Variants in NUP214 observed in about 807,000 individuals in gnomAD.
The protein encoded by NUP214 is nuclear pore complex protein Nup214.
In NUP214, 79 loss-of-function variants were observed where a neutral mutation model predicts 196.2. The ratio of observed to expected loss-of-function variants is 0.40; its 90% CI spans 0.34 to 0.49. NUP214 has a LOEUF of 0.49. NUP214 is among the 20% of genes least tolerant of loss of function. NUP214 has a pLI of 0.58. For missense variants in NUP214, 2,468 were observed against 2,539.0 expected, an observed-to-expected ratio of 0.97 and a Z score of 0.60; for synonymous variants, 1,020 against 990.5, an observed-to-expected ratio of 1.03 and a Z score of -0.56.
At chr9:131,206,912 A>G (rs1416310066) in intron 30 of NUP214, among the ~76,000 whole-genome samples, 2 of 152,222 alleles carry the variant, frequency 1.3e-5, no homozygotes, top group African/African-American at 4.8e-5. Flanking sequence ...TATGTATGCA[A>G]TTGGAAGGGC....
chr9:131,141,862 A>G (rs1479218591), intron 11 of NUP214: 1 of 152,224 alleles, frequency 6.6e-6, no homozygotes, highest in Non-Finnish European at 1.5e-5. Flanking sequence ...CTGTGAGTAT[A>G]TAACTGATAC....
intron 21 of NUP214, chr9:131,165,223 A>G (rs1363853203): frequency 6.6e-6 from 1 of 152,216 alleles, no homozygotes; most frequent in Non-Finnish European, 1.5e-5. Context: ...CTGCAGCTGC[A>G]GTGAGCTATG....
At chr9:131,153,983 A>C (rs539210520) in intron 17 of NUP214, among the ~76,000 whole-genome samples, 1 of 152,324 alleles carries the variant, frequency 6.6e-6, no homozygotes, top group South Asian at 2.1e-4. Flanking sequence ...GATAGGCTTT[A>C]AAAGAAGAAT....
At chr9:131,217,220 A>G (rs757828900) in intron 31 of NUP214, among the ~76,000 whole-genome samples, 2 of 152,326 alleles carry the variant, frequency 1.3e-5, no homozygotes, top group Non-Finnish European at 2.9e-5. Flanking sequence ...TTTTGATGTC[A>G]CTGTCCACTC....
At position 131,178,348 on chromosome 9, in the gene NUP214, C is replaced by A; in HGVS notation, c.3357C>A (p.Val1119=). 6.2e-7 allele frequency: 1 copy of A among 1,613,936 alleles called. No individual in the cohort carries two copies. Among genetic ancestry groups the A allele is most frequent in the Non-Finnish European group, 8.5e-7 (1 of 1,179,856 alleles). The change falls in exon 24 of 36, where the codon GTC becomes GTA. Residue 1119 remains valine (V), a synonymous_variant. Transcript: ENST00000359428. ...NTLTESTLKN[V]PQVVNVQELK... ...TGACTGAATCAACGTTGAAGAATGT[C>A]CCTCAAGTGGTAAATGTGCAGGAAT...
At chr9:131,167,805 G>A (rs1284423091) in intron 21 of NUP214, among the ~76,000 whole-genome samples, 2 of 152,162 alleles carry the variant, frequency 1.3e-5, no homozygotes, top group Admixed American at 6.6e-5. Context: ...CTGGAGACCA[G>A]CCTTTGTTGG....
intron 24 of NUP214, among the ~76,000 whole-genome samples, chr9:131,180,056 C>G (rs1446346505): frequency 6.6e-6 from 1 of 152,154 alleles, no homozygotes; most frequent in Non-Finnish European, 1.5e-5. Context: ...TCCACTTCTC[C>G]TTTTCTCAAG....
Position 131,197,251 on chromosome 9 carries a change from G to T in NUP214, c.3757G>T (p.Asp1253Tyr), listed in dbSNP as rs952913573. 1.2e-6 allele frequency: 2 copies of T among 1,614,018 alleles called. No individual in the cohort carries two copies. The highest frequency in any genetic ancestry group is 1.3e-5 in the African/African-American group (1 of 74,882). The change falls in exon 29 of 36, where the codon GAC becomes TAC. Residue 1253 changes from aspartate (D) to tyrosine (Y), a missense_variant. This residue lies in a region of NUP214 where 1,801 missense variants were observed against 1,779.4 expected (regional missense o/e 1.01). Transcript: ENST00000359428. Reference protein sequence around the residue: ...TPSTKESSQPDAFSSGGGSKP... With the variant: ...TPSTKESSQPYAFSSGGGSKP... Reference sequence around the variant, plus strand: ...CTCCACTAAAGAGTCAAGCCAGCCGGACGCATTCTCATCTGGTGGGGGAAG... The same window carrying T: ...CTCCACTAAAGAGTCAAGCCAGCCGTACGCATTCTCATCTGGTGGGGGAAG...
At chr9:131,126,482 G>A (rs1266742180) in intron 1 of NUP214, 1 of 152,056 alleles carries the variant, frequency 6.6e-6, no homozygotes, top group Non-Finnish European at 1.5e-5. Flanking sequence ...GAAGATTTTA[G>A]GCATCTGTGT....
At chr9:131,174,458 T>TTC in intron 22 of NUP214, 140 bp downstream of exon 22, 6 of 794,060 alleles carry the variant, frequency 7.6e-6, no homozygotes, top group East Asian at 6.4e-5. Context: ...TTTTTTTCTT[T>TTC]TTTTTTTTGA....
chr9:131,187,259 C>A (rs1393768132), intron 24 of NUP214, 30 bp from the exon 25 acceptor site: 2 of 1,595,610 alleles, frequency 1.3e-6, no homozygotes, highest in Admixed American at 1.7e-5. Flanking sequence ...TCATGCCTTT[C>A]TCTGAGTGTA....
chr9:131,156,230 T>A (rs1259639216), intron 17 of NUP214, among the ~76,000 whole-genome samples: 1 of 150,412 alleles, frequency 6.6e-6, no homozygotes. Flanking sequence ...CCTCCCGGGT[T>A]CACGCCATCC....
rs61751470 is a variant in NUP214 at position 131,144,699 on chromosome 9, A to G, written c.1714A>G (p.Met572Val). The G allele has an allele frequency of 0.016, 25,273 of 1,613,960 alleles. 304 individuals are homozygous for G. Among genetic ancestry groups the G allele is most frequent in the Middle Eastern group, 0.041 (249 of 6,058 alleles). Residue 572 changes from methionine (M) to valine (V), a missense_variant, in exon 12 of 36, where the codon ATG (methionine) becomes GTG (valine). This residue lies in a region of NUP214 where 1,801 missense variants were observed against 1,779.4 expected (regional missense o/e 1.01). Transcript: ENST00000359428. Reference sequence around the variant, plus strand: ...AAGTGTGTCTGCTCCAAATATAGCAATGAAGCCCTCCTTCCCACCCTCAAC... The same window carrying G: ...AAGTGTGTCTGCTCCAAATATAGCAGTGAAGCCCTCCTTCCCACCCTCAAC... The part of the protein sequence containing the change: ...VPSVSAPNIA[M>V]KPSFPPSTSA...
At chr9:131,136,323 A>G (rs1208931978) in intron 9 of NUP214, 5 of 221,460 alleles carry the variant, frequency 2.3e-5, no homozygotes, top group Non-Finnish European at 4.5e-5. Context: ...TGGTTAAGGT[A>G]TACATGATCT....
At chr9:131,178,125 T>C (rs1361702748) in intron 23 of NUP214, among the ~76,000 whole-genome samples, 186 bp from the exon 24 acceptor site, 1 of 152,226 alleles carries the variant, frequency 6.6e-6, no homozygotes, top group Non-Finnish European at 1.5e-5. Flanking sequence ...ATCACCTGTG[T>C]TAATGGAGTA....
intron 2 of NUP214, among the ~76,000 whole-genome samples, 178 bp from the exon 3 acceptor site, chr9:131,128,154 A>G (rs1251699695): frequency 6.6e-6 from 1 of 152,232 alleles, no homozygotes; most frequent in African/African-American, 2.4e-5. Context: ...AATTCCAGGG[A>G]TACTTAATCC....
chr9:131,186,173 A>G (rs1833445735), intron 24 of NUP214, among the ~76,000 whole-genome samples: 1 of 152,158 alleles, frequency 6.6e-6, no homozygotes, highest in African/African-American at 2.4e-5. Context: ...CTGTATCTGT[A>G]TTGCCTGCTT....
chr9:131,150,485 A>G (rs1353088163), intron 15 of NUP214, 75 bp downstream of exon 15: 5 of 1,573,586 alleles, frequency 3.2e-6, no homozygotes, highest in Non-Finnish European at 3.5e-6. Flanking sequence ...CAACCCCTGT[A>G]TGACTAGTTA....
Position 131,175,461 on chromosome 9 carries a change from G to C in NUP214, c.3159G>C (p.Val1053=). The part of the protein sequence containing the change: ...GSSPGVMGTS[V]ATSASKIIPQ... Reference sequence around the variant, plus strand: ...ACTTAATTTTTCTTTTCCTCTTAGTGGCTACATCTGCTAGCAAAATTATTC... The same window carrying C: ...ACTTAATTTTTCTTTTCCTCTTAGTCGCTACATCTGCTAGCAAAATTATTC... Residue 1053 remains valine (V), a splice_region_variant and synonymous_variant, in exon 23 of 36, where the codon GTG becomes GTC. Transcript: ENST00000359428. The C allele has an allele frequency of 6.2e-7, 1 of 1,613,916 alleles. No individual in the cohort carries two copies. The highest frequency in any genetic ancestry group is 8.5e-7 in the Non-Finnish European group (1 of 1,179,946).
Sources: allele counts gnomAD v4.1 joint callset (sites outside exome capture counted in the v4.1 genomes callset), GRCh38; gene constraint gnomAD v4.1.1; regional missense constraint gnomAD v4.1.1; transcripts MANE v1.5; gene names NCBI Gene and HGNC (gene_info 2026-07-23, HGNC 2026-07-21).